Variants in NPHP3 observed in about 807,000 individuals in gnomAD.
NPHP3 encodes the protein nephrocystin 3.
NPHP3 carries 123 observed loss-of-function variants against 171.9 expected under a neutral mutation model. That is an observed-to-expected ratio of 0.72 (90% CI 0.62 to 0.83). The LOEUF (loss-of-function observed/expected upper bound fraction) is 0.83, where lower values mean the gene tolerates loss of function less well. Among genes scored for constraint, NPHP3 ranks in the 40% least tolerant of loss-of-function variants. The pLI, the probability that NPHP3 is intolerant of heterozygous loss-of-function variation, is 0.00. For synonymous variants in NPHP3, 558 were observed against 579.2 expected (o/e 0.96, Z 0.52); for missense variants, 1,506 against 1,591.9 (o/e 0.95, Z 0.92).
At chr3:132,706,565 G>A (rs1374910946) in intron 7 of NPHP3, among the ~76,000 whole-genome samples, 2 of 152,064 alleles carry the variant, frequency 1.3e-5, no homozygotes, top group East Asian at 3.9e-4. Context: ...TGAGCTGGCT[G>A]AAAGAAGAAT....
rs1939334416 is a variant in NPHP3, at chr3:132,692,832, C to T, written c.2311-14G>A. The T allele has an allele frequency of 1.2e-6, 2 of 1,611,908 alleles. No individual in the cohort carries two copies. The highest frequency in any genetic ancestry group is 1.7e-6 in the Non-Finnish European group (2 of 1,178,142). On this transcript the variant is annotated splice_polypyrimidine_tract_variant and intron_variant, in intron 16 of 26. Coordinates refer to ENST00000337331, the MANE Select transcript of NPHP3 (RefSeq NM_153240.5). ...AAGGCAGAGGATCTAGGTAGAAAAA[C>T]AAATTAACAGTAATCATAAAGCACC... is the stretch of plus-strand genomic sequence containing the variant.
Position 132,689,156 on chromosome 3 carries a change from T to G in NPHP3, c.2801A>C (p.Glu934Ala). The G allele has an allele frequency of 6.2e-7, 1 of 1,614,172 alleles. No homozygotes were observed. Among genetic ancestry groups the G allele is most frequent in the Non-Finnish European group, 8.5e-7 (1 of 1,179,998 alleles). The change falls in exon 20 of 27, where the codon GAA becomes GCA. Residue 934 changes from glutamate (E) to alanine (A), a missense_variant. This residue lies in a region of NPHP3 where 569 missense variants were observed against 648.1 expected (regional missense o/e 0.88). Transcript: ENST00000337331. ...TAAGCAACTCATGTTGTCCTCGCCT[T>G]CGCAGTTTTTCTCATACTGCTTCAA... ...DSLKQYEKNC[E>A]GEDNMSCLAD... is the part of the protein sequence containing the mutation.
At position 132,708,503 on chromosome 3, in the gene NPHP3, T is replaced by C. The variant is rs6808655; in HGVS notation, c.1119-246A>G. Among the ~76,000 whole-genome samples the C allele has an allele frequency of 0.015, 2,213 of 152,326 alleles. 40 individuals are homozygous for C. Among genetic ancestry groups the C allele is most frequent in the African/African-American group, 0.05 (2,078 of 41,566 alleles). On this transcript the variant is annotated intron_variant, in intron 6 of 26. Coordinates refer to ENST00000337331, the MANE Select transcript of NPHP3 (RefSeq NM_153240.5). ...ATATAATAAATTATGCATTAAATTG[T>C]AAAGCACATAAAACTTTATTTTTTA...
chr3:132,688,537 A>G (rs1394238629), intron 21 of NPHP3, 113 bp downstream of exon 21: 4 of 1,122,176 alleles, frequency 3.6e-6, no homozygotes, highest in Non-Finnish European at 4.0e-6. Flanking sequence ...CATGAAGACT[A>G]GGCACAGGGT....
At chr3:132,715,720 T>A (rs538005947) in intron 4 of NPHP3, among the ~76,000 whole-genome samples, 132 of 152,310 alleles carry the variant, frequency 8.7e-4, no homozygotes, top group African/African-American at 2.8e-3. Context: ...AGAGAAATAA[T>A]TGTAGGGTTT....
chr3:132,694,784 A>G (rs762535409), intron 16 of NPHP3, 43 bp downstream of exon 16: 1 of 1,604,156 alleles, frequency 6.2e-7, no homozygotes, highest in Admixed American at 1.7e-5. Context: ...ACACACACAC[A>G]AAGCAAACTA....
In NPHP3 at chr3:132,680,702, T is replaced by C. The variant is rs1321495047; in HGVS notation, c.*1208A>G. The C allele has an allele frequency of 6.6e-6, 1 of 152,178 alleles. No individual in the cohort carries two copies. The highest frequency in any genetic ancestry group is 1.5e-5 in the Non-Finnish European group (1 of 68,028). 9.4% of individuals were successfully genotyped at this position (152,178 alleles called of 1,614,324 possible). A position where few individuals can be genotyped will look rare whatever the true frequency, so the allele number is the denominator to read the frequency against. On this transcript the variant is annotated 3_prime_UTR_variant, in exon 27 of 27. Coordinates refer to ENST00000337331, the MANE Select transcript of NPHP3 (RefSeq NM_153240.5). ...AATACATGTTAGGATCTTACAAGTATTAAATTGATGATTTTATTATATATA... is the reference window on the plus strand; with the variant it reads ...AATACATGTTAGGATCTTACAAGTACTAAATTGATGATTTTATTATATATA...
intron 23 of NPHP3, chr3:132,685,210 C>A (rs765151638): frequency 3.2e-5 from 6 of 189,568 alleles, no homozygotes; most frequent in African/African-American, 4.8e-5. Flanking sequence ...AACTCCTAGG[C>A]TCAAGTGATC....
intron 13 of NPHP3, among the ~76,000 whole-genome samples, 159 bp downstream of exon 13, chr3:132,699,194 A>G (rs919788873): frequency 1.3e-5 from 2 of 152,144 alleles, no homozygotes; most frequent in African/African-American, 4.8e-5. Flanking sequence ...ATACAATTCT[A>G]TAGATTGTAT....
At chr3:132,689,401 A>G (rs528280388) in intron 19 of NPHP3, 138 bp from the exon 20 acceptor site, 1 of 858,670 alleles carries the variant, frequency 1.2e-6, no homozygotes, top group Non-Finnish European at 1.9e-6. Context: ...GACTCAGACC[A>G]CTCACTATCT....
At chr3:132,686,514 G>T in intron 22 of NPHP3, 127 bp from the exon 23 acceptor site, 2 of 1,006,252 alleles carry the variant, frequency 2.0e-6, no homozygotes, top group Non-Finnish European at 3.0e-6. Flanking sequence ...ATTATTTTAA[G>T]CATCACACTA....
In NPHP3 at chr3:132,700,401, TG is replaced by T. The variant is rs1171578361; in HGVS notation, c.1675del (p.His559IlefsTer15). 3 of 1,613,456 alleles carry T rather than the reference TG, an allele frequency of 1.9e-6. No homozygotes were observed. The highest frequency in any genetic ancestry group is 1.7e-5 in the Admixed American group (1 of 59,972). The part of the protein sequence containing the change: ...KNSPNTLILS[H>X]FVGRPMSTSS... ...GGTTGACATGGGCCTTCCCACAAAATGGGAAAGAATCAGTGTGTTGGGGGAA... is the reference window on the plus strand; with the variant it reads ...GGTTGACATGGGCCTTCCCACAAAATGGAAAGAATCAGTGTGTTGGGGGAA... On this transcript the variant is annotated frameshift_variant, in exon 11 of 27. Transcript: ENST00000337331. LOFTEE classifies it high-confidence loss of function.
At chr3:132,702,134 T>C (rs1939627381) in intron 9 of NPHP3, among the ~76,000 whole-genome samples, 1 of 152,084 alleles carries the variant, frequency 6.6e-6, no homozygotes, top group Admixed American at 6.6e-5. Context: ...CCTGTGGGGT[T>C]TTGCAACACT....
intron 7 of NPHP3, among the ~76,000 whole-genome samples, chr3:132,707,646 T>A (rs983754623): frequency 2.0e-5 from 3 of 152,034 alleles, no homozygotes; most frequent in Admixed American, 6.5e-5. Context: ...TGTTAAGAAA[T>A]CCTATTGGCT....
chr3:132,712,341 G>C (rs1939932642), intron 6 of NPHP3: 1 of 445,474 alleles, frequency 2.2e-6, no homozygotes, highest in Admixed American at 2.5e-5. Flanking sequence ...GGTTAATGTT[G>C]ATTATTGAAA....
rs1939805796 is a variant in NPHP3 at position 132,708,087 on chromosome 3, C to T, written c.1275+14G>A. ...CAGCTAAGTGTGTTTTTCAAAAATG[C>T]CTATGAATTTTACCTTGGCTTTGCT... On this transcript the variant is annotated intron_variant, in intron 7 of 26. Transcript: ENST00000337331. The T allele has an allele frequency of 1.9e-6, 3 of 1,613,460 alleles. No individual in the cohort carries two copies. Among genetic ancestry groups the T allele is most frequent in the African/African-American group, 1.3e-5 (1 of 74,902 alleles).
chr3:132,711,960 T>C (rs12486323), intron 6 of NPHP3, among the ~76,000 whole-genome samples: 28,813 of 152,154 alleles, frequency 0.19, 3,322 homozygotes, highest in East Asian at 0.64. Context: ...ACTTAAGGCC[T>C]TACATATATC....
At chr3:132,684,410 CAGTT>C (rs1209320768) in intron 24 of NPHP3, 140 bp downstream of exon 24, 21 of 730,238 alleles carry the variant, frequency 2.9e-5, no homozygotes. Context: ...ATGTTCTGCT[CAGTT>C]ACTTGTTAAA....
chr3:132,682,676 T>C, intron 26 of NPHP3, 27 bp downstream of exon 26: 1 of 1,255,200 alleles, frequency 8.0e-7, no homozygotes, highest in Non-Finnish European at 1.2e-6. Context: ...AAAGAGGCTG[T>C]ATAAGGAAAG....
Sources: allele counts gnomAD v4.1 joint callset (sites outside exome capture counted in the v4.1 genomes callset), GRCh38; gene constraint gnomAD v4.1.1; regional missense constraint gnomAD v4.1.1; transcripts MANE v1.5; gene names NCBI Gene and HGNC (gene_info 2026-07-23, HGNC 2026-07-21).